DNAJC13: variants seen among roughly 807,000 people sequenced by gnomAD.
DNAJC13 encodes DnaJ heat shock protein family (Hsp40) member C13, also known as dnaJ homolog subfamily C member 13.
DNAJC13 carries 75 observed loss-of-function variants against 290.5 expected under a neutral mutation model. The ratio of observed to expected loss-of-function variants is 0.26; its 90% CI spans 0.21 to 0.31. The LOEUF (loss-of-function observed/expected upper bound fraction) is 0.31. DNAJC13 is among the 10% of genes least tolerant of loss of function. The probability of loss-of-function intolerance (pLI) is 1.00; values close to 1 mark genes in which losing one functional copy is unlikely to be tolerated. For missense variants in DNAJC13, 2,260 were observed against 2,674.5 expected, an observed-to-expected ratio of 0.85 and a Z score of 3.42; for synonymous variants, 862 against 892.0, an observed-to-expected ratio of 0.97 and a Z score of 0.60.
At chr3:132,518,558 T>C (rs1320874617) in intron 48 of DNAJC13, among the ~76,000 whole-genome samples, 1 of 152,200 alleles carries the variant, frequency 6.6e-6, no homozygotes, top group Non-Finnish European at 1.5e-5. Flanking sequence ...GGTTTGGCCA[T>C]GTTGCCCAGG....
intron 2 of DNAJC13, among the ~76,000 whole-genome samples, chr3:132,441,823 T>A (rs1461181140): frequency 6.6e-6 from 1 of 152,178 alleles, no homozygotes; most frequent in East Asian, 1.9e-4. Context: ...GTGACAAGAA[T>A]CTTAGCTCTT....
intron 31 of DNAJC13, among the ~76,000 whole-genome samples, chr3:132,489,230 G>A (rs1388404202): frequency 1.3e-5 from 2 of 152,106 alleles, no homozygotes; most frequent in African/African-American, 4.8e-5. Context: ...TGACTCATTA[G>A]ACTTAATATT....
chr3:132,505,447 A>C, intron 42 of DNAJC13, 32 bp downstream of exon 42: 1 of 1,368,966 alleles, frequency 7.3e-7, no homozygotes, highest in Non-Finnish European at 1.0e-6. Context: ...TTCTTGGGTA[A>C]TTTATTCTGA....
intron 19 of DNAJC13, among the ~76,000 whole-genome samples, chr3:132,466,836 T>A (rs986164406): frequency 6.6e-6 from 1 of 152,192 alleles, no homozygotes; most frequent in African/African-American, 2.4e-5. Flanking sequence ...AATTATAAGG[T>A]TGGGCCATCC....
intron 30 of DNAJC13, 111 bp downstream of exon 30, chr3:132,488,563 A>T (rs1934960894): frequency 8.8e-7 from 1 of 1,136,156 alleles, no homozygotes; most frequent in East Asian, 2.6e-5. Context: ...TTATAATTGT[A>T]AAGGCTATTT....
Position 132,450,861 on chromosome 3 carries a change from T to TAA in DNAJC13, c.537+25_537+26dup, listed in dbSNP as rs34198565. On this transcript the variant is annotated intron_variant, in intron 6 of 55. Transcript: ENST00000260818. The stretch of plus-strand genomic sequence containing the variant: ...TTTAGTAGATTGGTAAGTACTATTT[T>TAA]AAAAAAAAAAAACACTTTAAAAGGG... 2.6e-3 allele frequency: 2,948 copies of TAA among 1,129,310 alleles called. No individual in the cohort carries two copies. The highest frequency in any genetic ancestry group is 6.3e-3 in the South Asian group (368 of 58,096). The allele number at this position is 1,129,310 out of a possible 1,614,324, so 70.0% of individuals were successfully genotyped here.
chr3:132,419,409 A>AG (rs1938891860), intron 1 of DNAJC13, among the ~76,000 whole-genome samples: 2 of 132,770 alleles, frequency 1.5e-5, no homozygotes, highest in African/African-American at 6.1e-5. Context: ...TAAAATATTA[A>AG]TAAGTGAATG....
Position 132,513,113 on chromosome 3 carries a change from G to C in DNAJC13, c.5385+14G>C. The C allele has an allele frequency of 6.2e-7, 1 of 1,602,096 alleles. No homozygotes were observed. Among genetic ancestry groups the C allele is most frequent in the Non-Finnish European group, 8.6e-7 (1 of 1,169,512 alleles). On this transcript the variant is annotated intron_variant, in intron 45 of 55. Transcript: ENST00000260818. ...TTGGCTTTAGAGGTAAAAGCGTTTT[G>C]TACTAAAGCGTGTTGCCTTTCCTAC...
At position 132,462,450 on chromosome 3, in the gene DNAJC13, T is replaced by C. The variant is rs1481029888; in HGVS notation, c.1714-17T>C. On this transcript the variant is annotated splice_polypyrimidine_tract_variant and intron_variant, in intron 15 of 55. Coordinates refer to ENST00000260818, the MANE Select transcript of DNAJC13 (RefSeq NM_015268.4). ...TTCTTTTTTATTTTTTGATACTTTT[T>C]CCCCCTCACTTTAAAGCATCCTTCC... 8.7e-6 allele frequency: 14 copies of C among 1,605,814 alleles called. No homozygotes were observed. The highest frequency in any genetic ancestry group is 4.0e-5 in the African/African-American group (3 of 74,452).
chr3:132,466,334 T>C lies in DNAJC13; in HGVS notation c.2004T>C (p.Asp668=), dbSNP rs745976569. ...TGCTGGCATACTTGGAAAGCTCAGA[T>C]CTCGTACCTGAGAAGGATGCTGATC... is the stretch of plus-strand genomic sequence containing the variant. ...PGLLAYLESS[D]LVPEKDADRM... Residue 668 remains aspartate (D), a synonymous_variant, in exon 19 of 56, where the codon GAT becomes GAC. Coordinates refer to ENST00000260818, the MANE Select transcript of DNAJC13 (RefSeq NM_015268.4). 1.2e-6 allele frequency: 2 copies of C among 1,600,292 alleles called. No homozygotes were observed. Among genetic ancestry groups the C allele is most frequent in the Non-Finnish European group, 1.7e-6 (2 of 1,176,370 alleles).
intron 30 of DNAJC13, 38 bp from the exon 31 acceptor site, chr3:132,488,938 G>A (rs769002010): frequency 1.3e-6 from 2 of 1,517,374 alleles, no homozygotes; most frequent in South Asian, 2.3e-5. Context: ...AACTAAATCG[G>A]TTTCTATATC....
At chr3:132,495,406 GTC>G (rs111833364) in intron 35 of DNAJC13, among the ~76,000 whole-genome samples, 2 of 152,256 alleles carry the variant, frequency 1.3e-5, no homozygotes, top group African/African-American at 4.8e-5. Context: ...CCTTATCCAT[GTC>G]TGTTTGAGAA....
chr3:132,447,279 C>T, intron 3 of DNAJC13, 42 bp from the exon 4 acceptor site: 1 of 1,384,146 alleles, frequency 7.2e-7, no homozygotes, highest in Non-Finnish European at 9.4e-7. Context: ...TTACATTTTA[C>T]TGTATTATAG....
chr3:132,482,402 G>T, intron 27 of DNAJC13, 72 bp downstream of exon 27: 1 of 1,187,386 alleles, frequency 8.4e-7, no homozygotes. Flanking sequence ...CACTTACAGA[G>T]GCGTGGAATG....
chr3:132,428,839 A>G (rs1028580356), intron 1 of DNAJC13, among the ~76,000 whole-genome samples: 1 of 152,090 alleles, frequency 6.6e-6, no homozygotes, highest in African/African-American at 2.4e-5. Context: ...GATTCAAACA[A>G]TTCTCCTGCC....
chr3:132,428,257 G>A (rs1327018301), intron 1 of DNAJC13, among the ~76,000 whole-genome samples: 5 of 152,270 alleles, frequency 3.3e-5, no homozygotes, highest in Non-Finnish European at 5.9e-5. Flanking sequence ...AGTTACGTGC[G>A]TGTCTAAAAG....
intron 35 of DNAJC13, 72 bp downstream of exon 35, chr3:132,495,238 T>G (rs1189364769): frequency 5.8e-6 from 7 of 1,203,598 alleles, no homozygotes; most frequent in South Asian, 2.6e-5. Flanking sequence ...GAGAAAAGTA[T>G]ATTACCTTCT....
chr3:132,493,924 A>T (rs557442516), intron 33 of DNAJC13, among the ~76,000 whole-genome samples: 7 of 152,156 alleles, frequency 4.6e-5, no homozygotes, highest in Non-Finnish European at 1.0e-4. Flanking sequence ...GATTTAAAAA[A>T]TTTTTTAAAT....
chr3:132,525,625 A>G lies in DNAJC13; in HGVS notation c.6076A>G (p.Thr2026Ala). ...KNNPHGETLE[T>A]LTMATVCLFS... Reference sequence around the variant, plus strand: ...ACACCTGCAGGGAGAAACTCTGGAAACCTTGACAATGGCAACAGTGTGTCT... The same window carrying G: ...ACACCTGCAGGGAGAAACTCTGGAAGCCTTGACAATGGCAACAGTGTGTCT... Residue 2026 changes from threonine (T) to alanine (A), a missense_variant, in exon 52 of 56, where the codon ACC becomes GCC. By Grantham distance (58) the Thr-to-Ala change is moderately conservative. Transcript: ENST00000260818. The G allele has an allele frequency of 6.2e-7, 1 of 1,613,896 alleles. No homozygotes were observed. Among genetic ancestry groups the G allele is most frequent in the East Asian group, 2.2e-5 (1 of 44,876 alleles).
Sources: allele counts gnomAD v4.1 joint callset (sites outside exome capture counted in the v4.1 genomes callset), GRCh38; gene constraint gnomAD v4.1.1; transcripts MANE v1.5; gene names NCBI Gene and HGNC (gene_info 2026-07-23, HGNC 2026-07-21).